EDNRB: variants seen among roughly 807,000 people sequenced by gnomAD.
The protein encoded by EDNRB is endothelin receptor type B.
Under a neutral mutation model 46.4 loss-of-function variants are expected in EDNRB, and 18 were observed. The observed-to-expected ratio is 0.39, with a 90% CI of 0.27 to 0.57. The LOEUF is 0.57. Ranked by LOEUF, EDNRB falls within the 20% of genes least tolerant of loss-of-function variation. EDNRB has a pLI of 0.61. For missense variants in EDNRB, 434 were observed against 537.5 expected (o/e 0.81, Z 1.90); for synonymous variants, 213 against 204.9 (o/e 1.04, Z -0.34).
rs556831776 is a variant in EDNRB at position 77,895,958 on chromosome 13, TG to T, written c.*2241del. 6 of 152,378 alleles carry T rather than the reference TG, an allele frequency of 3.9e-5. No homozygotes were observed. The highest frequency in any genetic ancestry group is 8.8e-5 in the Non-Finnish European group (6 of 68,214). 9.4% of individuals were successfully genotyped at this position (152,378 alleles called of 1,614,324 possible). A position where few individuals can be genotyped will look rare whatever the true frequency, so the allele number is the denominator to read the frequency against. ...CCATGTTAACAATAATTTTGTCTGT[TG>T]CTATATTAAAGTCCTTAATACTAGG... On this transcript the variant is annotated 3_prime_UTR_variant, in exon 7 of 7. Transcript: ENST00000646607.
chr13:77,900,649 C>T lies in EDNRB; in HGVS notation c.957G>A (p.Arg319=). The change falls in exon 5 of 7, where the codon CGG becomes CGA. Residue 319 remains arginine, a synonymous_variant. Transcript: ENST00000646607. ...IALNDHLKQR[R]EVAKTVFCLV... ...GGCAAAAGACGGTTTTGGCCACTTC[C>T]CGTCTCTGAAATAAATCCATAGTTT... is the stretch of plus-strand genomic sequence containing the variant. The T allele has an allele frequency of 6.2e-7, 1 of 1,612,192 alleles. No individual in the cohort carries two copies. The highest frequency in any genetic ancestry group is 1.7e-5 in the Admixed American group (1 of 59,788).
At chr13:77,945,876 CAAA>C (rs67463440) in intron 1 of EDNRB, among the ~76,000 whole-genome samples, 35 of 115,588 alleles carry the variant, frequency 3.0e-4, no homozygotes, top group Non-Finnish European at 4.8e-4. Flanking sequence ...TGCAAAAAAC[CAAA>C]AAAAAAAAAA....
At chr13:77,967,410 C>T (rs183183283) in intron 1 of EDNRB, among the ~76,000 whole-genome samples, 187 of 152,266 alleles carry the variant, frequency 1.2e-3, no homozygotes, top group African/African-American at 4.4e-3. Context: ...CTGAATTTCC[C>T]GAAGAAGTAT....
In EDNRB at chr13:77,916,777, A is replaced by C. The variant is rs12720175; in HGVS notation, c.483+1314T>G. Among the ~76,000 whole-genome samples the C allele has an allele frequency of 9.5e-3, 1,440 of 152,316 alleles. 18 individuals are homozygous for C. Among genetic ancestry groups the C allele is most frequent in the African/African-American group, 0.032 (1,319 of 41,560 alleles). ...AGGGCTAGCTATAGGCAAATCTGCA[A>C]AGCACAATTCCATTTCCTTACACTG... On this transcript the variant is annotated intron_variant, in intron 1 of 6. Transcript: ENST00000646607.
At chr13:77,926,438 G>A (rs761496523) in intron 1 of EDNRB, among the ~76,000 whole-genome samples, 1 of 152,094 alleles carries the variant, frequency 6.6e-6, no homozygotes, top group Non-Finnish European at 1.5e-5. Context: ...TCAAGTTCAA[G>A]TTCCACATAT....
At chr13:77,963,165 T>A (rs767942907) in intron 1 of EDNRB, among the ~76,000 whole-genome samples, 2 of 152,232 alleles carry the variant, frequency 1.3e-5, no homozygotes, top group Admixed American at 1.3e-4. Flanking sequence ...TGGATAAGAA[T>A]AATCAATATC....
intron 1 of EDNRB, among the ~76,000 whole-genome samples, chr13:77,942,654 C>T (rs929875386): frequency 1.3e-5 from 2 of 152,022 alleles, no homozygotes; most frequent in African/African-American, 4.8e-5. Context: ...TTTATTCAAC[C>T]TTAGAAATAA....
chr13:77,914,539 G>A (rs1566314156), intron 1 of EDNRB, among the ~76,000 whole-genome samples: 2 of 152,174 alleles, frequency 1.3e-5, no homozygotes, highest in African/African-American at 2.4e-5. Context: ...TATGAGAAGC[G>A]TAAGCAACGC....
chr13:77,923,763 A>T (rs1210063392), upstream of EDNRB, among the ~76,000 whole-genome samples: 2 of 150,862 alleles, frequency 1.3e-5, no homozygotes, highest in African/African-American at 2.5e-5. Flanking sequence ...TTTACTGGTA[A>T]ATAAAAGAGA....
intron 1 of EDNRB, among the ~76,000 whole-genome samples, chr13:77,914,462 A>G (rs1280463339): frequency 6.6e-6 from 1 of 152,198 alleles, no homozygotes; most frequent in Non-Finnish European, 1.5e-5. Context: ...TCTCCTTTGG[A>G]TGCCTGAAGT....
upstream of EDNRB, chr13:77,919,549 C>G (rs1178009539): frequency 3.7e-6 from 6 of 1,612,548 alleles, no homozygotes; most frequent in Non-Finnish European, 5.1e-6. Context: ...TGCGAGAATG[C>G]CAGACAGTGT....
intron 1 of EDNRB, among the ~76,000 whole-genome samples, chr13:77,934,684 G>A (rs923382108): frequency 6.0e-5 from 9 of 150,872 alleles, no homozygotes; most frequent in East Asian, 2.0e-4. Flanking sequence ...AGGAAAGGGG[G>A]GGGGGGGCCT....
At chr13:77,968,710 A>G (rs1881646275) in intron 1 of EDNRB, among the ~76,000 whole-genome samples, 1 of 152,204 alleles carries the variant, frequency 6.6e-6, no homozygotes, top group Non-Finnish European at 1.5e-5. Flanking sequence ...CAATTAGCTG[A>G]GGACTTTAGT....
intron 1 of EDNRB, among the ~76,000 whole-genome samples, chr13:77,974,726 G>A (rs1881835893): frequency 6.6e-6 from 1 of 152,058 alleles, no homozygotes; most frequent in South Asian, 2.1e-4. Flanking sequence ...ACGGGAACTG[G>A]TCTGGGTGCC....
chr13:77,947,096 A>T (rs576737784), intron 1 of EDNRB, among the ~76,000 whole-genome samples: 22 of 152,348 alleles, frequency 1.4e-4, no homozygotes, highest in African/African-American at 4.8e-4. Context: ...TAAGTGTAAC[A>T]GATTGAAGAA....
intron 1 of EDNRB, among the ~76,000 whole-genome samples, chr13:77,962,290 A>C (rs928325543): frequency 2.0e-5 from 3 of 152,212 alleles, no homozygotes; most frequent in Non-Finnish European, 4.4e-5. Flanking sequence ...TAAGGCCAGC[A>C]TCATCCTGAT....
intron 1 of EDNRB, among the ~76,000 whole-genome samples, chr13:77,964,186 G>A (rs1881511903): frequency 6.6e-6 from 1 of 152,196 alleles, no homozygotes; most frequent in African/African-American, 2.4e-5. Context: ...CTGTAAACTA[G>A]TTCAACCATT....
chr13:77,946,778 A>C (rs1293856819), intron 1 of EDNRB, among the ~76,000 whole-genome samples: 1 of 152,236 alleles, frequency 6.6e-6, no homozygotes, highest in Non-Finnish European at 1.5e-5. Flanking sequence ...TGACGTTATT[A>C]GTGATGTATT....
chr13:77,931,744 C>CAAAA (rs67176737), intron 1 of EDNRB, among the ~76,000 whole-genome samples: 2 of 83,446 alleles, frequency 2.4e-5, no homozygotes, highest in African/African-American at 4.7e-5. Flanking sequence ...ACTGTAGTAG[C>CAAAA]AAAAAAAAAA....
Sources: gnomAD v4.1 joint callset for allele counts (sites outside exome capture counted in the v4.1 genomes callset) on GRCh38, gnomAD v4.1.1 for gene constraint, MANE v1.5 for transcripts, NCBI Gene and HGNC (gene_info 2026-07-23, HGNC 2026-07-21) for gene names.